The following DDOST variants were observed in gnomAD, a reference collection of about 807,000 sequenced individuals.
The protein encoded by DDOST is dolichyl-diphosphooligosaccharide--protein glycosyltransferase 48 kDa subunit.
DDOST carries 25 observed loss-of-function variants against 47.6 expected under a neutral mutation model. The ratio of observed to expected loss-of-function variants is 0.53; its 90% confidence interval spans 0.38 to 0.73. The LOEUF (loss-of-function observed/expected upper bound fraction) is 0.73, where lower values mean the gene tolerates loss of function less well. Ranked by LOEUF, DDOST falls within the 30% of genes least tolerant of loss-of-function variation. DDOST has a pLI of 0.00. For synonymous variants in DDOST, 275 were observed against 236.0 expected, an observed-to-expected ratio of 1.17 and a Z score of -1.51; for missense variants, 526 against 573.9, an observed-to-expected ratio of 0.92 and a Z score of 0.85.
At chr1:20,658,186 G>A (rs116155639) in intron 2 of DDOST, among the ~76,000 whole-genome samples, 258 of 152,304 alleles carry the variant, frequency 1.7e-3, no homozygotes, top group African/African-American at 6.0e-3. Flanking sequence ...TCTATAACAG[G>A]GATCCGGTTT....
chr1:20,660,657 GTC>G (rs2053424973), intron 2 of DDOST: 1 of 454,516 alleles, frequency 2.2e-6, no homozygotes, highest in Non-Finnish European at 4.0e-6. Context: ...GGGTTCCACG[GTC>G]TGCAGCAACA....
intron 8 of DDOST, among the ~76,000 whole-genome samples, 162 bp downstream of exon 8, chr1:20,653,465 C>G (rs1478407496): frequency 2.0e-5 from 3 of 152,210 alleles, no homozygotes; most frequent in Non-Finnish European, 4.4e-5. Context: ...GTTTTCACGC[C>G]AGGCTCTGCA....
At chr1:20,659,771 C>G (rs1185075657) in intron 2 of DDOST, among the ~76,000 whole-genome samples, 1 of 152,094 alleles carries the variant, frequency 6.6e-6, no homozygotes, top group African/African-American at 2.4e-5. Context: ...GCATGAACTA[C>G]AGAGAATAAA....
Position 20,652,903 on chromosome 1 carries a change from C to A in DDOST, c.1011G>T (p.Gln337His). The change falls in exon 9 of 11, where the codon CAG (glutamine) becomes CAT (histidine). Residue 337 changes from glutamine to histidine, a missense_variant. Transcript: ENST00000602624. ...KWVPFDGDDI[Q>H]LEFVRIDPFV... ...AAGGATCAATGCGGACAAACTCCAG[C>A]TGAATGTCATCGCCATCAAAGGGGA... 2 of 1,614,212 alleles carry A rather than the reference C, an allele frequency of 1.2e-6. No homozygotes were observed. The highest frequency in any genetic ancestry group is 1.1e-5 in the South Asian group (1 of 91,076).
chr1:20,652,189 A>G lies in DDOST; in HGVS notation c.*190T>C. 1 of 544,024 alleles carries G rather than the reference A, an allele frequency of 1.8e-6. No homozygotes were observed. The highest frequency in any genetic ancestry group is 3.3e-5 in the South Asian group (1 of 30,674). The allele number at this position is 544,024 out of a possible 1,614,324, so 33.7% of individuals were successfully genotyped here. A position where few individuals can be genotyped will look rare whatever the true frequency, so the allele number is the denominator to read the frequency against. ...GGAAAAATGCCACTTTTAGCAATTCAAAGTGGAAAAACTTCTTTTATATAA... is the reference window on the plus strand; with the variant it reads ...GGAAAAATGCCACTTTTAGCAATTCGAAGTGGAAAAACTTCTTTTATATAA... On this transcript the variant is annotated 3_prime_UTR_variant, in exon 11 of 11. Coordinates refer to ENST00000602624, the MANE Select transcript of DDOST (RefSeq NM_005216.5).
chr1:20,660,645 CT>C lies in DDOST; in HGVS notation c.265+235del. ...CCCTTCTCAGCAGAGCAGCAGGGCC[CT>C]GGGTTCCACGGTCTGCAGCAACACT... On this transcript the variant is annotated intron_variant, in intron 2 of 10. Transcript: ENST00000602624. The C allele has an allele frequency of 7.0e-6, 3 of 428,520 alleles. No individual in the cohort carries two copies. The South Asian group carries it at 8.7e-5, about 12-fold the overall frequency. 26.5% of individuals were successfully genotyped at this position (428,520 alleles called of 1,614,324 possible). A position where few individuals can be genotyped will look rare whatever the true frequency, so the allele number is the denominator to read the frequency against.
chr1:20,655,384 AAGTGACCC>A (rs1305509709), intron 5 of DDOST, 48 bp downstream of exon 5: 76 of 1,375,600 alleles, frequency 5.5e-5, no homozygotes, highest in Non-Finnish European at 7.3e-5. Flanking sequence ...CAAAAAAATT[AAGTGACCC>A]CTTCTTCCCC....
Position 20,658,257 on chromosome 1 carries a change from C to T in DDOST, c.266-2070G>A, listed in dbSNP as rs2053396803. On this transcript the variant is annotated intron_variant, in intron 2 of 10. Coordinates refer to ENST00000602624, the MANE Select transcript of DDOST (RefSeq NM_005216.5). Reference sequence around the variant, plus strand: ...CCTTGTAGACATGATTGCCAGTGACCTGGGAGCCTTCCGATGCCAGAGGGC... The same window carrying T: ...CCTTGTAGACATGATTGCCAGTGACTTGGGAGCCTTCCGATGCCAGAGGGC... Among the ~76,000 whole-genome samples, 4 of 152,240 alleles carry T rather than the reference C, an allele frequency of 2.6e-5. No individual in the cohort carries two copies. The South Asian group carries it at 8.3e-4, about 31-fold the overall frequency.
intron 8 of DDOST, 198 bp from the exon 9 acceptor site, chr1:20,653,169 A>G (rs1265765410): frequency 8.1e-6 from 5 of 618,424 alleles, no homozygotes; most frequent in Non-Finnish European, 1.1e-5. Context: ...CCCCCAACAC[A>G]GCATCTCTGC....
intron 2 of DDOST, among the ~76,000 whole-genome samples, chr1:20,657,454 A>T (rs1415465728): frequency 6.6e-6 from 1 of 152,164 alleles, no homozygotes; most frequent in Non-Finnish European, 1.5e-5. Context: ...GGCAGTGAAG[A>T]GTGCTGAGCC....
intron 10 of DDOST, 24 bp from the exon 11 acceptor site, chr1:20,652,552 G>A (rs561443647): frequency 1.2e-6 from 2 of 1,613,982 alleles, no homozygotes; most frequent in East Asian, 4.5e-5. Flanking sequence ...GAGGTGGCAG[G>A]ACCTGGCCAC....
chr1:20,656,274 G>C (rs1570416148), intron 2 of DDOST, 87 bp from the exon 3 acceptor site: 2 of 1,027,396 alleles, frequency 1.9e-6, no homozygotes, highest in Non-Finnish European at 3.0e-6. Context: ...GAAGGGCAGA[G>C]CAGCCACGAT....
intron 5 of DDOST, among the ~76,000 whole-genome samples, chr1:20,655,160 AAC>A (rs2053354528): frequency 8.6e-6 from 1 of 116,384 alleles, no homozygotes; most frequent in Non-Finnish European, 1.8e-5. Flanking sequence ...GCGCTCGGCC[AAC>A]TTTTTTTTGT....
chr1:20,660,276 G>T (rs1255858605), intron 2 of DDOST: 1 of 152,350 alleles, frequency 6.6e-6, no homozygotes. Flanking sequence ...TAACAGAATT[G>T]TTCAGTGGTG....
intron 2 of DDOST, among the ~76,000 whole-genome samples, chr1:20,656,905 G>T (rs866091498): frequency 1.3e-4 from 20 of 152,216 alleles, no homozygotes; most frequent in African/African-American, 4.6e-4. Context: ...AGGCTCCAGA[G>T]TCTCCCCAAA....
Position 20,654,692 on chromosome 1 carries a change from AG to A in DDOST, c.566del (p.Pro189LeufsTer10). 1 of 1,557,862 alleles carries A rather than the reference AG, an allele frequency of 6.4e-7. No individual in the cohort carries two copies. The highest frequency in any genetic ancestry group is 1.9e-5 in the Admixed American group (1 of 52,064). ...GGATGTCCAGCACCAAAGGGTTATC[AG>A]GATCGGCCACCATCCTGCAGCAGGA... ...LFRGVGMVAD[P>X]DNPLVLDILT... On this transcript the variant is annotated frameshift_variant, in exon 6 of 11. Transcript: ENST00000602624. LOFTEE classifies it high-confidence loss of function.
chr1:20,654,795 T>C, intron 5 of DDOST, 88 bp from the exon 6 acceptor site: 1 of 841,538 alleles, frequency 1.2e-6, no homozygotes, highest in South Asian at 1.5e-5. Context: ...TTCCCAGGAA[T>C]GAATCCTTTT....
At chr1:20,658,933 T>G (rs2053406465) in intron 2 of DDOST, among the ~76,000 whole-genome samples, 1 of 150,340 alleles carries the variant, frequency 6.7e-6, no homozygotes, top group Non-Finnish European at 1.5e-5. Context: ...CTCAGCTCAC[T>G]GCAGCCTTGA....
rs199859745 is a variant in DDOST, at chr1:20,655,733, G to A, written c.399C>T (p.Asp133=). The A allele has an allele frequency of 9.4e-5, 152 of 1,614,106 alleles. No homozygotes were observed. The highest frequency in any genetic ancestry group is 5.8e-4 in the East Asian group (26 of 44,876). ...GGTCAATGACAGCCGTTTTCTCCTC[G>A]TCAAACTCAATCCCGCACTCACTGC... ...ELGSECGIEF[D]EEKTAVIDHH... Residue 133 remains aspartate (D), a synonymous_variant, in exon 4 of 11, where the codon GAC becomes GAT. Transcript: ENST00000602624.
Sources: gnomAD v4.1 joint callset for allele counts (sites outside exome capture counted in the v4.1 genomes callset) on GRCh38, gnomAD v4.1.1 for gene constraint, MANE v1.5 for transcripts, NCBI Gene and HGNC (gene_info 2026-07-23, HGNC 2026-07-21) for gene names.